The following TNN variants were observed in gnomAD, a reference collection of about 807,000 sequenced individuals.
TNN encodes tenascin N, also known as tenascin-N.
Under a neutral mutation model 134.4 loss-of-function variants are expected in TNN, and 122 were observed. The observed-to-expected ratio is 0.91, with a 90% CI of 0.78 to 1.06. The LOEUF (loss-of-function observed/expected upper bound fraction) is 1.06. Among genes scored for constraint, TNN ranks in the 50% least tolerant of loss-of-function variants. The pLI, the probability that TNN is intolerant of heterozygous loss-of-function variation, is 0.00. For synonymous variants in TNN, 710 were observed against 670.3 expected, an observed-to-expected ratio of 1.06 and a Z score of -0.91; for missense variants, 1,739 against 1,699.4, an observed-to-expected ratio of 1.02 and a Z score of -0.41.
intron 9 of TNN, among the ~76,000 whole-genome samples, chr1:175,111,513 A>AAAAG (rs377729331): frequency 1.4e-5 from 2 of 147,966 alleles, no homozygotes; most frequent in African/African-American, 5.0e-5. Flanking sequence ...AAAAAAAAAA[A>AAAAG]AAAGAATTGT....
intron 1 of TNN, among the ~76,000 whole-genome samples, chr1:175,070,607 A>C (rs964093211): frequency 6.6e-6 from 1 of 152,200 alleles, no homozygotes; most frequent in African/African-American, 2.4e-5. Flanking sequence ...ATTCTCTTCC[A>C]TACTTAGCTG....
rs761519281 is a variant in TNN, at chr1:175,123,811, A to C, written c.2914+148A>C. On this transcript the variant is annotated intron_variant, in intron 12 of 18. Coordinates refer to ENST00000239462, the MANE Select transcript of TNN (RefSeq NM_022093.2). ...GGTTCCTTTTTTACGTCTTTGAGCT[A>C]ATTAAGTTGACACAACAGCTCAGAT... 7.5e-4 allele frequency: 904 copies of C among 1,209,010 alleles called. 2 individuals are homozygous for C. Among genetic ancestry groups the C allele is most frequent in the Non-Finnish European group, 9.9e-4 (863 of 870,036 alleles). 74.9% of individuals were successfully genotyped at this position (1,209,010 alleles called of 1,614,324 possible). A position where few individuals can be genotyped will look rare whatever the true frequency, so the allele number is the denominator to read the frequency against.
At chr1:175,134,928 T>A (rs1675758788) in intron 15 of TNN, among the ~76,000 whole-genome samples, 1 of 152,180 alleles carries the variant, frequency 6.6e-6, no homozygotes, top group African/African-American at 2.4e-5. Flanking sequence ...AACTCTGCAA[T>A]AATTTCCAGC....
rs1257878828 is a variant in TNN, at chr1:175,144,550, G to T, written c.3759G>T (p.Glu1253Asp). ...NGRYGETKHS[E>D]GVNWEPWKGH... Reference sequence around the variant, plus strand: ...GATATGGGGAGACCAAGCACAGTGAGGTAGGTGACAGGTGAATGTCTTTTC... The same window carrying T: ...GATATGGGGAGACCAAGCACAGTGATGTAGGTGACAGGTGAATGTCTTTTC... Residue 1253 changes from glutamate to aspartate, a missense_variant and splice_region_variant, in exon 18 of 19, where the codon GAG (glutamate) becomes GAT (aspartate). Coordinates refer to ENST00000239462, the MANE Select transcript of TNN (RefSeq NM_022093.2). The T allele has an allele frequency of 6.2e-7, 1 of 1,613,854 alleles. No individual in the cohort carries two copies. The highest frequency in any genetic ancestry group is 8.5e-7 in the Non-Finnish European group (1 of 1,179,924).
intron 10 of TNN, 121 bp downstream of exon 10, chr1:175,117,326 T>C: frequency 6.7e-7 from 1 of 1,500,084 alleles, no homozygotes; most frequent in Non-Finnish European, 9.0e-7. Flanking sequence ...TGGGATGGCA[T>C]CCCTTCATAA....
intron 9 of TNN, 96 bp from the exon 10 acceptor site, chr1:175,116,843 A>G: frequency 6.5e-7 from 1 of 1,538,114 alleles, no homozygotes; most frequent in Non-Finnish European, 9.0e-7. Flanking sequence ...GAGAAACCAT[A>G]AGAACAGGAA....
rs536047702 is a variant in TNN, at chr1:175,081,575, G to A, written c.1048+1149G>A. Among the ~76,000 whole-genome samples the A allele has an allele frequency of 1.1e-4, 16 of 152,258 alleles. No homozygotes were observed. In the South Asian group the frequency reaches 3.3e-3, roughly 32 times the overall value. ...GTGGTGGGACTAGGGTGGAGGTGGG[G>A]ATGGGTCAGTGTTGGAAAGGGCTGT... is the stretch of plus-strand genomic sequence containing the variant. On this transcript the variant is annotated intron_variant, in intron 4 of 18. Transcript: ENST00000239462.
At chr1:175,126,811 G>A in intron 12 of TNN, 144 bp from the exon 13 acceptor site, 2 of 830,504 alleles carry the variant, frequency 2.4e-6, no homozygotes, top group Non-Finnish European at 3.6e-6. Context: ...CCTGTGGCAG[G>A]GAGGAAGAGA....
At position 175,148,059 on chromosome 1, in the gene TNN, C is replaced by T. The variant is rs963159723; in HGVS notation, c.*988C>T. ...ATTGAAGAAAAAAAATAATAAACCA[C>T]TTGATTTAAAAAAAAATTGCCATGT... On this transcript the variant is annotated 3_prime_UTR_variant, in exon 19 of 19. Transcript: ENST00000239462. The T allele has an allele frequency of 2.0e-5, 3 of 152,106 alleles. No individual in the cohort carries two copies. The highest frequency in any genetic ancestry group is 6.6e-5 in the Admixed American group (1 of 15,260). 9.4% of individuals were successfully genotyped at this position (152,106 alleles called of 1,614,324 possible). A position where few individuals can be genotyped will look rare whatever the true frequency, so the allele number is the denominator to read the frequency against.
chr1:175,077,739 C>A lies in TNN; in HGVS notation c.321C>A (p.Asp107Glu). Residue 107 changes from aspartate (D) to glutamate (E), a missense_variant, in exon 2 of 19, where the codon GAC becomes GAA. By Grantham distance (45) the Asp-to-Glu change is conservative (BLOSUM62 2). Coordinates refer to ENST00000239462, the MANE Select transcript of TNN (RefSeq NM_022093.2). Reference protein sequence around the residue: ...KDCELAGSVQDLLARVKKLEE... With the variant: ...KDCELAGSVQELLARVKKLEE... ...GCGAGTTGGCAGGCAGTGTCCAGGA[C>A]CTCCTGGCCCGGGTGAAGAAGCTGG... 6.2e-7 allele frequency: 1 copy of A among 1,614,202 alleles called. No homozygotes were observed.
At chr1:175,096,675 T>C (rs1674579592) in intron 7 of TNN, among the ~76,000 whole-genome samples, 1 of 152,242 alleles carries the variant, frequency 6.6e-6, no homozygotes, top group African/African-American at 2.4e-5. Flanking sequence ...TCAAATGCCA[T>C]TAATAATAAC....
chr1:175,069,526 G>T (rs1252990102), intron 1 of TNN, among the ~76,000 whole-genome samples: 4 of 152,192 alleles, frequency 2.6e-5, no homozygotes, highest in Non-Finnish European at 4.4e-5. Flanking sequence ...TGTAGGGTGG[G>T]CAGAGCTCTC....
At chr1:175,093,789 G>A (rs1674504680) in intron 6 of TNN, among the ~76,000 whole-genome samples, 1 of 152,142 alleles carries the variant, frequency 6.6e-6, no homozygotes, top group South Asian at 2.1e-4. Context: ...AATGGATTGT[G>A]TTGTCTATTG....
chr1:175,081,055 A>G (rs1674189127), intron 4 of TNN, among the ~76,000 whole-genome samples: 1 of 152,192 alleles, frequency 6.6e-6, no homozygotes, highest in South Asian at 2.1e-4. Context: ...CCGTGTCTCC[A>G]AAGAATTCTG....
rs1674603693 is a variant in TNN, at chr1:175,097,639, AG to A, written c.1816del (p.Asp606ThrfsTer22). 2.5e-6 allele frequency: 4 copies of A among 1,614,236 alleles called. No homozygotes were observed. Among genetic ancestry groups the A allele is most frequent in the Non-Finnish European group, 3.4e-6 (4 of 1,180,042 alleles). On this transcript the variant is annotated frameshift_variant, in exon 8 of 19. Transcript: ENST00000239462. LOFTEE classifies it high-confidence loss of function. The stretch of plus-strand genomic sequence containing the variant: ...TACACAGTGCATGTCTGGGCCCAGA[AG>A]GGGGACCGAGAGAGCAAGAAGGCTG... ...VEYTVHVWAQ[K>X]GDRESKKADT...
chr1:175,129,588 C>A (rs1057132770), intron 15 of TNN, among the ~76,000 whole-genome samples: 4 of 151,686 alleles, frequency 2.6e-5, no homozygotes, highest in Non-Finnish European at 5.9e-5. Context: ...CTTCAAAGCA[C>A]TTCTGTACAC....
At chr1:175,078,084 A>G (rs1327235356) in intron 2 of TNN, among the ~76,000 whole-genome samples, 1 of 152,202 alleles carries the variant, frequency 6.6e-6, no homozygotes, top group Non-Finnish European at 1.5e-5. Context: ...TTGCTTCCAG[A>G]TGGGAATGCT....
At chr1:175,098,231 G>C in intron 8 of TNN, 101 bp from the exon 9 acceptor site, 1 of 1,549,142 alleles carries the variant, frequency 6.5e-7, no homozygotes, top group Middle Eastern at 1.7e-4. Flanking sequence ...CCATTGCCTT[G>C]TTCTAAAAGA....
rs757564360 is a variant in TNN at position 175,119,629 on chromosome 1, C to CTTTTT, written c.2650+809_2650+813dup. On this transcript the variant is annotated intron_variant, in intron 11 of 18. Coordinates refer to ENST00000239462, the MANE Select transcript of TNN (RefSeq NM_022093.2). ...CCAGTGGGAGCAGTCCCATGAATGC[C>CTTTTT]TTTTTTTTCTTTTTTTTTTTTTTTT... 4.0e-3 allele frequency among the ~76,000 whole-genome samples: 537 copies of CTTTTT among 133,330 alleles called. 17 individuals are homozygous for CTTTTT. Among genetic ancestry groups the CTTTTT allele is most frequent in the East Asian group, 9.9e-3 (43 of 4,336 alleles). The allele number at this position is 133,330 out of a possible 152,430, so 87.5% of individuals were successfully genotyped here.
Sources: gnomAD v4.1 joint callset for allele counts (sites outside exome capture counted in the v4.1 genomes callset) on GRCh38, gnomAD v4.1.1 for gene constraint, MANE v1.5 for transcripts, NCBI Gene and HGNC (gene_info 2026-07-23, HGNC 2026-07-21) for gene names.